ZNF605: variants seen among roughly 807,000 people sequenced by gnomAD.
ZNF605 encodes zinc finger protein 605.
ZNF605 carries 9 observed loss-of-function variants against 7.9 expected under a neutral mutation model. That is an observed-to-expected ratio of 1.14 (90% confidence interval 0.68 to 1.98). The LOEUF (loss-of-function observed/expected upper bound fraction) is 1.98, where lower values mean the gene tolerates loss of function less well. ZNF605 is among the 30% of genes most tolerant of loss of function. The pLI, the probability that ZNF605 is intolerant of heterozygous loss-of-function variation, is 0.00. For missense variants in ZNF605, 673 were observed against 762.4 expected (o/e 0.88, Z 1.38); for synonymous variants, 255 against 260.1 (o/e 0.98, Z 0.19).
rs974378370 is a variant in ZNF605, at chr12:132,920,342, T to C, written c.*5031A>G. The C allele has an allele frequency of 2.0e-5, 3 of 151,978 alleles. No homozygotes were observed. Among genetic ancestry groups the C allele is most frequent in the African/African-American group, 7.3e-5 (3 of 41,336 alleles). The allele number at this position is 151,978 out of a possible 1,614,324, so 9.4% of individuals were successfully genotyped here. A position where few individuals can be genotyped will look rare whatever the true frequency, so the allele number is the denominator to read the frequency against. Reference sequence around the variant, plus strand: ...TTTTAGTAGAGACGGGGTTTCACCGTGTTAGCCAGGATGGTCTCGATCTCC... The same window carrying C: ...TTTTAGTAGAGACGGGGTTTCACCGCGTTAGCCAGGATGGTCTCGATCTCC... On this transcript the variant is annotated 3_prime_UTR_variant, in exon 5 of 5. Transcript: ENST00000360187.
chr12:132,944,097 C>T (rs1483402276), intron 3 of ZNF605, among the ~76,000 whole-genome samples: 1 of 152,192 alleles, frequency 6.6e-6, no homozygotes, highest in Non-Finnish European at 1.5e-5. Flanking sequence ...GAGCACATCT[C>T]CCTGTGACTG....
chr12:132,944,099 C>T (rs1259319057), intron 3 of ZNF605, among the ~76,000 whole-genome samples: 2 of 152,194 alleles, frequency 1.3e-5, no homozygotes, highest in Non-Finnish European at 2.9e-5. Flanking sequence ...GCACATCTCC[C>T]TGTGACTGTC....
intron 3 of ZNF605, among the ~76,000 whole-genome samples, chr12:132,943,284 G>C (rs1341407700): frequency 2.0e-5 from 3 of 151,838 alleles, no homozygotes; most frequent in Non-Finnish European, 2.9e-5. Flanking sequence ...GTGTGAACCC[G>C]GGAGGCGGAG....
intron 2 of ZNF605, 62 bp from the exon 3 acceptor site, chr12:132,945,859 G>C: frequency 1.5e-6 from 1 of 656,358 alleles, no homozygotes; most frequent in Non-Finnish European, 2.7e-6. Context: ...CTAAATCTTG[G>C]TGTTCTCTTG....
chr12:132,935,281 G>A (rs1428221012), intron 3 of ZNF605, among the ~76,000 whole-genome samples: 3 of 152,026 alleles, frequency 2.0e-5, no homozygotes, highest in African/African-American at 2.4e-5. Flanking sequence ...CTCCGTGTGT[G>A]GGTCAATGAA....
At chr12:132,938,215 T>C (rs1393299811) in intron 3 of ZNF605, among the ~76,000 whole-genome samples, 1 of 152,128 alleles carries the variant, frequency 6.6e-6, no homozygotes, top group African/African-American at 2.4e-5. Flanking sequence ...CTCCTGACCT[T>C]GTGATCCACC....
In ZNF605 at chr12:132,941,548, G is replaced by A. The variant is rs1952441281; in HGVS notation, c.15+4073C>T. 2.0e-5 allele frequency among the ~76,000 whole-genome samples: 3 copies of A among 152,144 alleles called. No homozygotes were observed. The stretch of plus-strand genomic sequence containing the variant: ...CCCAGTCCAAACTACACATCAATAG[G>A]CCCAATCATGGGGCGTCTGAGGAAC... On this transcript the variant is annotated intron_variant, in intron 3 of 4. Transcript: ENST00000360187. The surrounding 1 kb of genome is among the most constrained non-coding windows in gnomAD (Gnocchi z 5.1).
At chr12:132,935,400 G>A (rs1350197616) in intron 3 of ZNF605, among the ~76,000 whole-genome samples, 1 of 152,144 alleles carries the variant, frequency 6.6e-6, no homozygotes, top group Non-Finnish European at 1.5e-5. Flanking sequence ...GGGTGTGTGG[G>A]CTCAACTCCA....
rs367621616 is a variant in ZNF605 at position 132,925,775 on chromosome 12, A to T, written c.1524T>A (p.Ser508Arg). ...TCCAGGCAAAAGCTTTCCTACATTC[A>T]CTACATTCAAAGGGCTTTTCTCCAG... Reference protein sequence around the residue: ...THTGEKPFECSECRKAFAWKP... With the variant: ...THTGEKPFECRECRKAFAWKP... The change falls in exon 5 of 5, where the codon AGT becomes AGA. Residue 508 changes from serine (S) to arginine (R), a missense_variant. Coordinates refer to ENST00000360187, the MANE Select transcript of ZNF605 (RefSeq NM_183238.4). 2.5e-6 allele frequency: 4 copies of T among 1,613,922 alleles called. No individual in the cohort carries two copies. In the African/African-American group the frequency reaches 5.3e-5, roughly 22 times the overall value.
chr12:132,938,618 C>T (rs758897663), intron 3 of ZNF605, among the ~76,000 whole-genome samples: 147 of 152,324 alleles, frequency 9.7e-4, no homozygotes, highest in Middle Eastern at 3.4e-3. Context: ...CGCTTGTTCT[C>T]GGCACCTCCC....
chr12:132,947,516 T>C (rs1018395365), intron 2 of ZNF605, among the ~76,000 whole-genome samples: 2 of 152,136 alleles, frequency 1.3e-5, no homozygotes, highest in Non-Finnish European at 2.9e-5. Flanking sequence ...TTTTGCCTTA[T>C]TGCCCAGGTT....
chr12:132,949,229 C>T (rs1952532095), intron 1 of ZNF605, among the ~76,000 whole-genome samples: 1 of 152,150 alleles, frequency 6.6e-6, no homozygotes. Context: ...CGTGCAGGCT[C>T]CTACTTAAGC....
intron 4 of ZNF605, among the ~76,000 whole-genome samples, chr12:132,928,594 C>T (rs2137126966): frequency 6.6e-6 from 1 of 151,394 alleles, no homozygotes; most frequent in East Asian, 1.9e-4. Context: ...TCTACAAGAC[C>T]ATTTATTGCA....
intron 3 of ZNF605, among the ~76,000 whole-genome samples, chr12:132,944,293 A>G (rs2137154132): frequency 6.6e-6 from 1 of 151,926 alleles, no homozygotes; most frequent in African/African-American, 2.4e-5. Flanking sequence ...CTCCTGGCGT[A>G]GGACTGAACA....
At chr12:132,944,298 T>C (rs1253334354) in intron 3 of ZNF605, among the ~76,000 whole-genome samples, 3 of 151,808 alleles carry the variant, frequency 2.0e-5, no homozygotes, top group Admixed American at 6.6e-5. Context: ...GGCGTAGGAC[T>C]GAACATCAAA....
chr12:132,934,268 ACT>A (rs1435676202), intron 3 of ZNF605, among the ~76,000 whole-genome samples: 3 of 150,676 alleles, frequency 2.0e-5, no homozygotes, highest in Non-Finnish European at 4.4e-5. Context: ...ACAGAGCAAG[ACT>A]CTGTCTCAAA....
chr12:132,943,735 G>A (rs1015495342), intron 3 of ZNF605, among the ~76,000 whole-genome samples: 23 of 151,998 alleles, frequency 1.5e-4, no homozygotes, highest in African/African-American at 5.3e-4. Flanking sequence ...TTTTGTTCAG[G>A]GCTCCCTCGG....
Position 132,923,858 on chromosome 12 carries a change from T to G in ZNF605, c.*1515A>C, listed in dbSNP as rs772737844. 1 of 152,210 alleles carries G rather than the reference T, an allele frequency of 6.6e-6. No individual in the cohort carries two copies. Among genetic ancestry groups the G allele is most frequent in the Non-Finnish European group, 1.5e-5 (1 of 68,046 alleles). 9.4% of individuals were successfully genotyped at this position (152,210 alleles called of 1,614,324 possible). ...CTACTGTAATGGTTTTCCTATTCTC[T>G]TCCTCTTCTCTAAGTCTTTTTTTCT... On this transcript the variant is annotated 3_prime_UTR_variant, in exon 5 of 5. Transcript: ENST00000360187.
At chr12:132,929,826 T>C (rs1344187860) in intron 4 of ZNF605, among the ~76,000 whole-genome samples, 1 of 152,102 alleles carries the variant, frequency 6.6e-6, no homozygotes, top group African/African-American at 2.4e-5. Context: ...GCGCCTGTAA[T>C]CCCAGATACT....
Sources: gnomAD v4.1 joint callset for allele counts (sites outside exome capture counted in the v4.1 genomes callset) on GRCh38, gnomAD v4.1.1 for gene constraint, Gnocchi (gnomAD v3.1) non-coding constraint, MANE v1.5 for transcripts, NCBI Gene and HGNC (gene_info 2026-07-23, HGNC 2026-07-21) for gene names.